Variants in PTPN4 observed in about 807,000 individuals in gnomAD.
The protein encoded by PTPN4 is protein tyrosine phosphatase non-receptor type 4.
In PTPN4, 49 loss-of-function variants were observed where a neutral mutation model predicts 135.5. The observed-to-expected ratio is 0.36, with a 90% CI of 0.29 to 0.46. The LOEUF (loss-of-function observed/expected upper bound fraction) is 0.46. Ranked by LOEUF, PTPN4 falls within the 20% of genes least tolerant of loss-of-function variation. The pLI is 1.00. For synonymous variants in PTPN4, 333 were observed against 369.9 expected, an observed-to-expected ratio of 0.90 and a Z score of 1.14; for missense variants, 860 against 1,101.0, an observed-to-expected ratio of 0.78 and a Z score of 3.10.
chr2:119,879,102 A>C (rs1678031729), intron 5 of PTPN4, among the ~76,000 whole-genome samples: 1 of 151,872 alleles, frequency 6.6e-6, no homozygotes, highest in Non-Finnish European at 1.5e-5. Flanking sequence ...GAAAAAAAAA[A>C]AAAACAAAAA....
intron 1 of PTPN4, among the ~76,000 whole-genome samples, chr2:119,804,400 G>A (rs1351948740): frequency 6.6e-6 from 1 of 152,028 alleles, no homozygotes; most frequent in African/African-American, 2.4e-5. Flanking sequence ...ATTTACATTA[G>A]GTATTTCTCC....
chr2:119,925,852 T>C (rs1678816652), intron 12 of PTPN4, among the ~76,000 whole-genome samples: 1 of 152,216 alleles, frequency 6.6e-6, no homozygotes, highest in Non-Finnish European at 1.5e-5. Flanking sequence ...ATTATTCTAA[T>C]GTGGAAATAC....
At chr2:119,787,750 A>G (rs1029037189) in intron 1 of PTPN4, among the ~76,000 whole-genome samples, 2 of 152,168 alleles carry the variant, frequency 1.3e-5, no homozygotes, top group African/African-American at 4.8e-5. Context: ...ATGTAGTTCT[A>G]TTTCTTCATC....
At chr2:119,778,962 A>G (rs1690888320) in intron 1 of PTPN4, among the ~76,000 whole-genome samples, 1 of 152,176 alleles carries the variant, frequency 6.6e-6, no homozygotes, top group South Asian at 2.1e-4. Context: ...TTCTTATTTA[A>G]GTTGTTGCAT....
intron 1 of PTPN4, among the ~76,000 whole-genome samples, chr2:119,771,907 C>T (rs1419211950): frequency 6.6e-6 from 1 of 152,176 alleles, no homozygotes; most frequent in East Asian, 1.9e-4. Context: ...CTCCTTTACA[C>T]TGTAGCCAGA....
intron 1 of PTPN4, among the ~76,000 whole-genome samples, chr2:119,776,956 GTATT>G (rs1288140273): frequency 2.0e-5 from 3 of 152,138 alleles, no homozygotes; most frequent in Admixed American, 2.0e-4. Context: ...AAGGTCAACT[GTATT>G]TATATGGTAA....
chr2:119,967,829 T>C lies in PTPN4; in HGVS notation c.2559-8T>C. 1 of 1,587,888 alleles carries C rather than the reference T, an allele frequency of 6.3e-7. No homozygotes were observed. The highest frequency in any genetic ancestry group is 8.6e-7 in the Non-Finnish European group (1 of 1,164,508). On this transcript the variant is annotated splice_polypyrimidine_tract_variant and splice_region_variant and intron_variant, in intron 25 of 26. Coordinates refer to ENST00000263708, the MANE Select transcript of PTPN4 (RefSeq NM_002830.4). Reference sequence around the variant, plus strand: ...CGGTAAGATCTTGCCTATATTTGTCTTTTTTAGTGCTGGAATCGGAAGAAC... The same window carrying C: ...CGGTAAGATCTTGCCTATATTTGTCCTTTTTAGTGCTGGAATCGGAAGAAC...
chr2:119,866,956 C>G (rs1402204212), intron 3 of PTPN4, among the ~76,000 whole-genome samples: 8 of 152,196 alleles, frequency 5.3e-5, no homozygotes, highest in African/African-American at 1.9e-4. Context: ...TCTCGTTTAA[C>G]TCTGTTGTAT....
chr2:119,948,140 A>G (rs112995684), intron 18 of PTPN4, among the ~76,000 whole-genome samples: 179 of 152,274 alleles, frequency 1.2e-3, no homozygotes, highest in Middle Eastern at 6.8e-3. Context: ...TATTTATTTT[A>G]TATATATTTG....
chr2:119,813,316 C>T (rs1676929571), intron 2 of PTPN4, among the ~76,000 whole-genome samples: 4 of 151,658 alleles, frequency 2.6e-5, no homozygotes, highest in South Asian at 4.2e-4. Context: ...GGCACGATCT[C>T]GGCTCACCGC....
intron 2 of PTPN4, 150 bp downstream of exon 2, chr2:119,810,141 A>T: frequency 1.1e-6 from 1 of 886,330 alleles, no homozygotes; most frequent in East Asian, 2.8e-5. Context: ...TATTAGATGC[A>T]TGCTCTCATT....
intron 26 of PTPN4, among the ~76,000 whole-genome samples, chr2:119,971,708 T>C (rs576370755): frequency 3.3e-5 from 5 of 152,368 alleles, no homozygotes; most frequent in African/African-American, 1.2e-4. Flanking sequence ...TTATCACTTA[T>C]GCTTTTGGTA....
At chr2:119,932,667 C>A in intron 14 of PTPN4, 118 bp downstream of exon 14, 2 of 1,241,450 alleles carry the variant, frequency 1.6e-6, no homozygotes, top group Non-Finnish European at 2.2e-6. Flanking sequence ...TTTGGTGAAA[C>A]ATGATTTTTG....
intron 1 of PTPN4, among the ~76,000 whole-genome samples, chr2:119,766,711 A>G (rs1690637719): frequency 6.6e-6 from 1 of 152,192 alleles, no homozygotes; most frequent in African/African-American, 2.4e-5. Context: ...GGATGAGGTT[A>G]GAAATGGAGC....
intron 12 of PTPN4, among the ~76,000 whole-genome samples, chr2:119,924,091 G>C (rs1380642661): frequency 5.4e-5 from 8 of 147,250 alleles, no homozygotes; most frequent in South Asian, 4.4e-4. Context: ...GAGCCGAGAT[G>C]GAGCCACTGC....
At chr2:119,955,805 C>T (rs897482624) in intron 20 of PTPN4, among the ~76,000 whole-genome samples, 5 of 152,110 alleles carry the variant, frequency 3.3e-5, no homozygotes, top group Middle Eastern at 6.8e-3. Context: ...GGTGTGGTGG[C>T]AGGTGCCTGT....
Position 119,979,466 on chromosome 2 carries a change from C to A in PTPN4, c.*2396C>A, listed in dbSNP as rs964304345. The A allele has an allele frequency of 1.3e-5, 2 of 151,968 alleles. No homozygotes were observed. The highest frequency in any genetic ancestry group is 4.8e-5 in the African/African-American group (2 of 41,400). The allele number at this position is 151,968 out of a possible 1,614,324, so 9.4% of individuals were successfully genotyped here. On this transcript the variant is annotated 3_prime_UTR_variant, in exon 27 of 27. Coordinates refer to ENST00000263708, the MANE Select transcript of PTPN4 (RefSeq NM_002830.4). ...TATGAATTTTTCATCTGGGAACTAC[C>A]CACTGTCGTCATTTTTATGTGCAGA...
At chr2:119,925,470 T>G (rs1295429391) in intron 12 of PTPN4, among the ~76,000 whole-genome samples, 1 of 147,418 alleles carries the variant, frequency 6.8e-6, no homozygotes, top group African/African-American at 2.4e-5. Flanking sequence ...CAAAGCACTT[T>G]TTAATCATCA....
intron 9 of PTPN4, among the ~76,000 whole-genome samples, chr2:119,898,782 C>T (rs1239873921): frequency 1.3e-5 from 2 of 152,210 alleles, no homozygotes; most frequent in African/African-American, 4.8e-5. Context: ...TCTTACCCAA[C>T]TCTAGGAATG....
Sources: allele counts gnomAD v4.1 joint callset (sites outside exome capture counted in the v4.1 genomes callset), GRCh38; gene constraint gnomAD v4.1.1; transcripts MANE v1.5; gene names NCBI Gene and HGNC (gene_info 2026-07-23, HGNC 2026-07-21).